The following TAF3 variants were observed in gnomAD, a reference collection of about 807,000 sequenced individuals.
TAF3 encodes the protein TATA-box binding protein associated factor 3.
TAF3 carries 7 observed loss-of-function variants against 80.6 expected under a neutral mutation model. That is an observed-to-expected ratio of 0.09 (90% CI 0.05 to 0.16). The LOEUF is 0.16. Ranked by LOEUF, TAF3 falls within the 10% of genes least tolerant of loss-of-function variation. The pLI is 1.00. For synonymous variants in TAF3, 444 were observed against 446.1 expected, an observed-to-expected ratio of 1.00 and a Z score of 0.06; for missense variants, 921 against 1,140.2, an observed-to-expected ratio of 0.81 and a Z score of 2.77.
At chr10:7,996,683 G>T (rs1450586904) in intron 4 of TAF3, among the ~76,000 whole-genome samples, 1 of 151,492 alleles carries the variant, frequency 6.6e-6, no homozygotes, top group Non-Finnish European at 1.5e-5. Context: ...GTTGAGGCAG[G>T]GTCTCACTCT....
At chr10:7,818,945 C>T (rs1393856278) in intron 1 of TAF3, 70 bp downstream of exon 1, 3 of 1,321,562 alleles carry the variant, frequency 2.3e-6, no homozygotes, top group East Asian at 6.2e-5. Context: ...TCTCCCTGTC[C>T]CTCCGCGTCC....
intron 4 of TAF3, among the ~76,000 whole-genome samples, chr10:7,992,272 C>T (rs948448442): frequency 1.8e-4 from 27 of 152,136 alleles, no homozygotes; most frequent in African/African-American, 6.0e-4. Context: ...CTCAAAGTAC[C>T]CCAGACAACA....
At chr10:7,915,903 G>T (rs1321677860) in intron 2 of TAF3, among the ~76,000 whole-genome samples, 1 of 151,760 alleles carries the variant, frequency 6.6e-6, no homozygotes, top group Admixed American at 6.6e-5. Flanking sequence ...GCTTGAATCT[G>T]GGAGGCAGAG....
At chr10:7,910,972 G>A (rs139280027) in intron 2 of TAF3, among the ~76,000 whole-genome samples, 121 of 152,134 alleles carry the variant, frequency 8.0e-4, no homozygotes, top group Non-Finnish European at 1.4e-3. Context: ...CTCTGGACCC[G>A]CTTAACCTTA....
At chr10:7,828,270 A>C (rs1198518997) in intron 2 of TAF3, among the ~76,000 whole-genome samples, 1 of 152,208 alleles carries the variant, frequency 6.6e-6, no homozygotes, top group East Asian at 1.9e-4. Context: ...ATCAATGTAA[A>C]GTAGTGTTAC....
intron 2 of TAF3, among the ~76,000 whole-genome samples, chr10:7,870,693 C>A (rs1356900129): frequency 6.6e-6 from 1 of 151,550 alleles, no homozygotes; most frequent in African/African-American, 2.4e-5. Flanking sequence ...TCTGAGTTCG[C>A]CTTCCTTCAC....
chr10:7,846,114 A>G (rs1462358236), intron 2 of TAF3, among the ~76,000 whole-genome samples: 4 of 151,630 alleles, frequency 2.6e-5, no homozygotes, highest in Admixed American at 6.6e-5. Flanking sequence ...GCCCGCCACC[A>G]CGCCTAGCTA....
At chr10:7,831,939 G>A (rs924687526) in intron 2 of TAF3, among the ~76,000 whole-genome samples, 1 of 105,172 alleles carries the variant, frequency 9.5e-6, no homozygotes, top group African/African-American at 3.2e-5. Flanking sequence ...TATATATCTG[G>A]GGGGTGCAAA....
At chr10:7,935,533 G>A (rs1361192742) in intron 2 of TAF3, among the ~76,000 whole-genome samples, 1 of 148,172 alleles carries the variant, frequency 6.7e-6, no homozygotes, top group East Asian at 2.0e-4. Flanking sequence ...GCAGTGAGCC[G>A]AGATCGCGCC....
chr10:7,842,088 C>T (rs2778471), intron 2 of TAF3, among the ~76,000 whole-genome samples: 26,967 of 149,126 alleles, frequency 0.18, 2,498 homozygotes, highest in South Asian at 0.27. Flanking sequence ...CATTGAGTTG[C>T]GTGAGTACCC....
At chr10:7,990,207 A>C (rs1588578841) in intron 4 of TAF3, among the ~76,000 whole-genome samples, 1 of 152,330 alleles carries the variant, frequency 6.6e-6, no homozygotes, top group South Asian at 2.1e-4. Flanking sequence ...CTGCTAAAAC[A>C]CTGAGGAACC....
chr10:7,880,214 G>C (rs1300422428), intron 2 of TAF3, among the ~76,000 whole-genome samples: 2 of 152,060 alleles, frequency 1.3e-5, no homozygotes, highest in African/African-American at 2.4e-5. Context: ...CTCCAGCCTG[G>C]GTGACAGAGT....
At chr10:7,932,746 T>C (rs1837880318) in intron 2 of TAF3, among the ~76,000 whole-genome samples, 1 of 143,454 alleles carries the variant, frequency 7.0e-6, no homozygotes, top group Non-Finnish European at 1.5e-5. Context: ...GGCACAGTCG[T>C]GGCTGACTAC....
intron 2 of TAF3, among the ~76,000 whole-genome samples, chr10:7,931,411 A>G (rs1432408807): frequency 6.6e-6 from 1 of 151,696 alleles, no homozygotes; most frequent in African/African-American, 2.4e-5. Context: ...TCCCCTTACT[A>G]TTTTCCCCTG....
intron 4 of TAF3, among the ~76,000 whole-genome samples, chr10:7,984,204 A>G (rs1261624641): frequency 6.6e-6 from 1 of 152,176 alleles, no homozygotes; most frequent in Non-Finnish European, 1.5e-5. Flanking sequence ...ACCACCTAGA[A>G]CAATGATATA....
chr10:7,902,267 TA>T (rs1837565307), intron 2 of TAF3, among the ~76,000 whole-genome samples: 1 of 151,774 alleles, frequency 6.6e-6, no homozygotes. Flanking sequence ...CTACTAAAAA[TA>T]CAAAATTAGC....
intron 2 of TAF3, among the ~76,000 whole-genome samples, chr10:7,938,169 T>C (rs2131203537): frequency 6.6e-6 from 1 of 152,356 alleles, no homozygotes; most frequent in South Asian, 2.1e-4. Context: ...AAATCATCTG[T>C]GGCATCCCTG....
intron 2 of TAF3, among the ~76,000 whole-genome samples, chr10:7,832,543 CTTAT>C (rs200607141): frequency 8.6e-5 from 13 of 151,988 alleles, no homozygotes; most frequent in African/African-American, 2.4e-4. Context: ...TCATTTCTTT[CTTAT>C]TTATTTATTT....
chr10:7,933,876 C>T (rs142982628), intron 2 of TAF3, among the ~76,000 whole-genome samples: 63 of 152,304 alleles, frequency 4.1e-4, no homozygotes, highest in Non-Finnish European at 6.8e-4. Context: ...CAAAGATGCA[C>T]GTTTTCCCCC....
Sources: allele counts gnomAD v4.1 joint callset (sites outside exome capture counted in the v4.1 genomes callset), GRCh38; gene constraint gnomAD v4.1.1; transcripts MANE v1.5; gene names NCBI Gene and HGNC (gene_info 2026-07-23, HGNC 2026-07-21).